Variants in C5orf46 observed in about 807,000 individuals in gnomAD.
The protein encoded by C5orf46 is uncharacterized protein C5orf46.
C5orf46 carries 9 observed loss-of-function variants against 8.9 expected under a neutral mutation model. The ratio of observed to expected loss-of-function variants is 1.01; its 90% CI spans 0.61 to 1.76. C5orf46 has a LOEUF of 1.76. Ranked by LOEUF, C5orf46 falls within the 40% of genes most tolerant of loss-of-function variation. The pLI is 0.00. For missense variants in C5orf46, 98 were observed against 107.8 expected, an observed-to-expected ratio of 0.91 and a Z score of 0.40; for synonymous variants, 47 against 41.4, an observed-to-expected ratio of 1.14 and a Z score of -0.52.
intron 1 of C5orf46, among the ~76,000 whole-genome samples, chr5:147,902,833 G>A (rs1233897787): frequency 1.3e-5 from 2 of 152,184 alleles, no homozygotes; most frequent in Admixed American, 6.5e-5. Flanking sequence ...ATATCACCTA[G>A]TAGTTTCATA....
At chr5:147,900,432 A>G (rs1460354611) in intron 2 of C5orf46, among the ~76,000 whole-genome samples, 3 of 152,164 alleles carry the variant, frequency 2.0e-5, no homozygotes, top group Non-Finnish European at 2.9e-5. Flanking sequence ...TGAAAATCTA[A>G]TAGAAGTCAT....
intron 2 of C5orf46, among the ~76,000 whole-genome samples, chr5:147,899,960 G>A (rs1045433651): frequency 2.6e-5 from 4 of 152,120 alleles, no homozygotes; most frequent in East Asian, 3.8e-4. Context: ...AGCCTAGAGC[G>A]GACAGCAATT....
intron 2 of C5orf46, among the ~76,000 whole-genome samples, chr5:147,900,214 A>G (rs1172773546): frequency 6.6e-6 from 1 of 152,200 alleles, no homozygotes; most frequent in Non-Finnish European, 1.5e-5. Flanking sequence ...TCTTGGAAAA[A>G]TAACAGTTGC....
At chr5:147,894,499 C>G (rs1424025382) in intron 3 of C5orf46, among the ~76,000 whole-genome samples, 1 of 152,024 alleles carries the variant, frequency 6.6e-6, no homozygotes, top group African/African-American at 2.4e-5. Context: ...AGAATCTCTT[C>G]TCTCAGAGTT....
chr5:147,900,463 T>G (rs1486434908), intron 2 of C5orf46, among the ~76,000 whole-genome samples: 2 of 151,960 alleles, frequency 1.3e-5, no homozygotes, highest in Admixed American at 1.3e-4. Context: ...CCCGGGAAAA[T>G]GCAAAAATAA....
At chr5:147,892,428 A>G (rs1005179490), downstream of C5orf46, among the ~76,000 whole-genome samples, 18 of 152,320 alleles carry the variant, frequency 1.2e-4, no homozygotes, top group African/African-American at 4.1e-4. Flanking sequence ...GTTTTAAAAT[A>G]CTTTCTAAAA....
intron 2 of C5orf46, chr5:147,887,172 G>C (rs1306060597): frequency 1.3e-5 from 2 of 152,024 alleles, no homozygotes; most frequent in African/African-American, 4.8e-5. Flanking sequence ...TTTTATTTTA[G>C]AAAGCAACCA....
At chr5:147,893,844 TATGCCCAGCCATCACATA>T (rs932899141) in intron 3 of C5orf46, among the ~76,000 whole-genome samples, 2 of 151,974 alleles carry the variant, frequency 1.3e-5, no homozygotes, top group African/African-American at 4.8e-5. Flanking sequence ...CATGAGGCAC[TATGCCCAGCCATCACATA>T]AATCTTATAA....
chr5:147,886,435 A>T (rs1027672462), intron 2 of C5orf46: 1 of 150,660 alleles, frequency 6.6e-6, no homozygotes, highest in Non-Finnish European at 1.5e-5. Context: ...GATCATCAGA[A>T]TATAGAAATA....
chr5:147,892,418 G>C (rs1757515705), downstream of C5orf46, among the ~76,000 whole-genome samples: 1 of 152,160 alleles, frequency 6.6e-6, no homozygotes, highest in African/African-American at 2.4e-5. Flanking sequence ...GGCTCAGATA[G>C]TTTTAAAATA....
downstream of C5orf46, among the ~76,000 whole-genome samples, chr5:147,890,272 T>A (rs1173215371): frequency 6.6e-6 from 1 of 152,180 alleles, no homozygotes; most frequent in Admixed American, 6.5e-5. Flanking sequence ...CCTTACTATC[T>A]TGCCCTTGGG....
downstream of C5orf46, among the ~76,000 whole-genome samples, chr5:147,889,643 A>G (rs2127123017): frequency 6.6e-6 from 1 of 152,178 alleles, no homozygotes; most frequent in East Asian, 1.9e-4. Flanking sequence ...ATCCCAGAAC[A>G]TAAAATAAAA....
chr5:147,894,909 A>C (rs1465182841), intron 3 of C5orf46, among the ~76,000 whole-genome samples: 1 of 151,924 alleles, frequency 6.6e-6, no homozygotes, highest in Non-Finnish European at 1.5e-5. Context: ...AGGAAAATAC[A>C]AAAATTAGCC....
intron 2 of C5orf46, 129 bp downstream of exon 2, chr5:147,901,500 T>G: frequency 2.5e-6 from 2 of 814,856 alleles, no homozygotes; most frequent in Non-Finnish European, 1.8e-6. Flanking sequence ...GCAACATTTT[T>G]CAATGAAAAA....
intron 3 of C5orf46, among the ~76,000 whole-genome samples, chr5:147,893,676 G>A (rs558283119): frequency 6.6e-6 from 1 of 152,260 alleles, no homozygotes; most frequent in East Asian, 1.9e-4. Context: ...ATGAGTAGCT[G>A]GGATTACTGG....
At chr5:147,895,027 C>A (rs1333504246) in intron 3 of C5orf46, among the ~76,000 whole-genome samples, 2 of 150,968 alleles carry the variant, frequency 1.3e-5, no homozygotes, top group Non-Finnish European at 2.9e-5. Context: ...GGCACCACTG[C>A]ACTCCAACCT....
chr5:147,903,853 T>A (rs1439497962), intron 1 of C5orf46, among the ~76,000 whole-genome samples: 1 of 152,114 alleles, frequency 6.6e-6, no homozygotes, highest in Non-Finnish European at 1.5e-5. Context: ...GCTCAAGACA[T>A]CCTCCCACCT....
intron 2 of C5orf46, among the ~76,000 whole-genome samples, chr5:147,899,307 A>G (rs1757632024): frequency 6.6e-6 from 1 of 152,136 alleles, no homozygotes; most frequent in Admixed American, 6.5e-5. Context: ...TGTACATGTT[A>G]AGTGCTTAGC....
chr5:147,892,377 C>G (rs1757514131), downstream of C5orf46, among the ~76,000 whole-genome samples: 1 of 152,140 alleles, frequency 6.6e-6, no homozygotes, highest in African/African-American at 2.4e-5. Context: ...TTAAAAAGGT[C>G]AGTTTTTAAG....
Sources: gnomAD v4.1 joint callset for allele counts (sites outside exome capture counted in the v4.1 genomes callset) on GRCh38, gnomAD v4.1.1 for gene constraint, MANE v1.5 for transcripts, NCBI Gene and HGNC (gene_info 2026-07-23, HGNC 2026-07-21) for gene names.